LRP1B: variants seen among roughly 807,000 people sequenced by gnomAD.
The protein encoded by LRP1B is low-density lipoprotein receptor-related protein 1B.
Under a neutral mutation model 556.6 loss-of-function variants are expected in LRP1B, and 217 were observed. That is an observed-to-expected ratio of 0.39 (90% CI 0.35 to 0.44). The LOEUF is 0.44. Among genes scored for constraint, LRP1B ranks in the 20% least tolerant of loss-of-function variants. The pLI is 1.00. For missense variants in LRP1B, 5,053 were observed against 5,620.8 expected (o/e 0.90, Z 3.23); for synonymous variants, 2,047 against 1,865.8 (o/e 1.10, Z -2.50).
chr2:141,120,479 G>T (rs1370830464), intron 7 of LRP1B, among the ~76,000 whole-genome samples: 1 of 151,740 alleles, frequency 6.6e-6, no homozygotes, highest in South Asian at 2.1e-4. Context: ...TACACATAAG[G>T]CAATTTCAAT....
chr2:141,128,174 T>C (rs1701263496), intron 7 of LRP1B, among the ~76,000 whole-genome samples: 1 of 152,190 alleles, frequency 6.6e-6, no homozygotes, highest in Non-Finnish European at 1.5e-5. Flanking sequence ...TATAGCAACA[T>C]AACAGAGTAA....
At chr2:140,236,792 T>C (rs1680720938) in intron 89 of LRP1B, among the ~76,000 whole-genome samples, 1 of 150,968 alleles carries the variant, frequency 6.6e-6, no homozygotes, top group African/African-American at 2.4e-5. Context: ...GATAATAAAG[T>C]ACTGTACTCT....
chr2:141,817,020 ATTAG>A (rs1018695688), intron 1 of LRP1B, among the ~76,000 whole-genome samples: 25 of 152,186 alleles, frequency 1.6e-4, no homozygotes, highest in African/African-American at 6.0e-4. Flanking sequence ...TTTTAAAAAC[ATTAG>A]TTATAGGAGT....
At chr2:141,184,667 G>A (rs535970779) in intron 7 of LRP1B, among the ~76,000 whole-genome samples, 11 of 144,868 alleles carry the variant, frequency 7.6e-5, no homozygotes, top group African/African-American at 2.6e-4. Context: ...CCTATGTCAC[G>A]TCAAACTTGT....
intron 1 of LRP1B, among the ~76,000 whole-genome samples, chr2:141,948,421 T>C (rs890827646): frequency 6.6e-6 from 1 of 152,030 alleles, no homozygotes; most frequent in Admixed American, 6.6e-5. Context: ...ATATTGTAAA[T>C]ATATTTTTGA....
intron 20 of LRP1B, among the ~76,000 whole-genome samples, chr2:140,934,099 A>C (rs958163654): frequency 2.0e-5 from 3 of 152,116 alleles, no homozygotes; most frequent in Non-Finnish European, 4.4e-5. Context: ...TATTTCATTG[A>C]AAATAGATAT....
At chr2:140,998,933 C>T (rs1255814342) in intron 15 of LRP1B, among the ~76,000 whole-genome samples, 1 of 152,032 alleles carries the variant, frequency 6.6e-6, no homozygotes, top group African/African-American at 2.4e-5. Context: ...ATAATCTAGA[C>T]TGAACTAAAT....
At chr2:141,732,890 C>A (rs1693327434) in intron 2 of LRP1B, among the ~76,000 whole-genome samples, 1 of 151,912 alleles carries the variant, frequency 6.6e-6, no homozygotes, top group Non-Finnish European at 1.5e-5. Context: ...GATTGAGAAG[C>A]AAAGGAAGCA....
At chr2:142,040,848 T>C (rs978959082) in intron 1 of LRP1B, among the ~76,000 whole-genome samples, 12 of 151,288 alleles carry the variant, frequency 7.9e-5, no homozygotes, top group Admixed American at 6.6e-4. Context: ...ACTTGCATTG[T>C]AGCTAATTGA....
In LRP1B at chr2:140,492,766, GT is replaced by G. The variant is rs1020961673; in HGVS notation, c.9035-74del. The G allele has an allele frequency of 1.2e-5, 13 of 1,071,928 alleles. No homozygotes were observed. The African/African-American group carries it at 1.5e-4, about 13-fold the overall frequency. 66.4% of individuals were successfully genotyped at this position (1,071,928 alleles called of 1,614,324 possible). On this transcript the variant is annotated intron_variant, in intron 56 of 90. Coordinates refer to ENST00000389484, the MANE Select transcript of LRP1B (RefSeq NM_018557.3). ...TTCCCCTTTGCATAATTTCAGTTTA[GT>G]TTAGCAGCAATGTGATTTCAAATGC... is the stretch of plus-strand genomic sequence containing the variant.
intron 2 of LRP1B, among the ~76,000 whole-genome samples, chr2:141,645,071 C>A (rs1689502796): frequency 6.6e-6 from 1 of 151,880 alleles, no homozygotes; most frequent in Admixed American, 6.6e-5. Flanking sequence ...AATATGTGGT[C>A]TTTTGAAATA....
Position 140,701,134 on chromosome 2 carries a change from C to A in LRP1B, c.6428-513G>T, listed in dbSNP as rs1460230011. On this transcript the variant is annotated intron_variant, in intron 40 of 90. Coordinates refer to ENST00000389484, the MANE Select transcript of LRP1B (RefSeq NM_018557.3). ...TTAAAATTTCTTCACCAGTCTAATT[C>A]TCCTTTGTGAATTCATTATTATTAT... Among the ~76,000 whole-genome samples, 8 of 152,010 alleles carry A rather than the reference C, an allele frequency of 5.3e-5. No homozygotes were observed. In the East Asian group the frequency reaches 1.5e-3, roughly 29 times the overall value.
intron 41 of LRP1B, among the ~76,000 whole-genome samples, chr2:140,647,148 T>TCAA (rs1684513767): frequency 6.6e-6 from 1 of 152,150 alleles, no homozygotes; most frequent in Non-Finnish European, 1.5e-5. Flanking sequence ...ACCATATTCA[T>TCAA]CAACAGTGTG....
intron 35 of LRP1B, among the ~76,000 whole-genome samples, chr2:140,766,843 ATTAT>A (rs1422343523): frequency 1.0e-5 from 1 of 95,774 alleles, no homozygotes; most frequent in African/African-American, 4.9e-5. Context: ...ATATATATAT[ATTAT>A]ATATATATAT....
chr2:141,705,432 A>G (rs1427800041), intron 2 of LRP1B, among the ~76,000 whole-genome samples: 1 of 151,900 alleles, frequency 6.6e-6, no homozygotes, highest in East Asian at 1.9e-4. Context: ...ATGTCCCAGA[A>G]TCTCCTGAGT....
intron 1 of LRP1B, among the ~76,000 whole-genome samples, chr2:141,875,855 G>A (rs1399979133): frequency 1.3e-5 from 2 of 151,848 alleles, no homozygotes; most frequent in Admixed American, 6.6e-5. Flanking sequence ...GGTAATATAT[G>A]TATACTTATA....
intron 1 of LRP1B, among the ~76,000 whole-genome samples, chr2:142,049,869 T>C (rs1304146716): frequency 6.6e-6 from 1 of 152,156 alleles, no homozygotes; most frequent in African/African-American, 2.4e-5. Context: ...AATACAGAGA[T>C]AGAGGATTGT....
chr2:140,968,905 T>C (rs1360422466), intron 18 of LRP1B, among the ~76,000 whole-genome samples: 1 of 152,228 alleles, frequency 6.6e-6, no homozygotes, highest in Non-Finnish European at 1.5e-5. Context: ...CAGTTTGTTA[T>C]AATTTCTGTT....
intron 41 of LRP1B, among the ~76,000 whole-genome samples, chr2:140,650,651 C>G (rs1056241386): frequency 6.6e-6 from 1 of 152,008 alleles, no homozygotes; most frequent in Admixed American, 6.6e-5. Context: ...GCCCGGCCGA[C>G]AGTTAAATCA....
Sources: gnomAD v4.1 joint callset for allele counts (sites outside exome capture counted in the v4.1 genomes callset) on GRCh38, gnomAD v4.1.1 for gene constraint, MANE v1.5 for transcripts, NCBI Gene and HGNC (gene_info 2026-07-23, HGNC 2026-07-21) for gene names.